ERBB4: variants seen among roughly 807,000 people sequenced by gnomAD.
The protein encoded by ERBB4 is receptor tyrosine-protein kinase erbB-4.
A neutral mutation model predicts 158.0 loss-of-function variants in ERBB4; 42 were observed. The observed-to-expected ratio is 0.27, with a 90% CI of 0.21 to 0.34. The LOEUF (loss-of-function observed/expected upper bound fraction) is 0.34. Ranked by LOEUF, ERBB4 falls within the 10% of genes least tolerant of loss-of-function variation. ERBB4 has a pLI of 1.00. For missense variants in ERBB4, 1,333 were observed against 1,624.1 expected (o/e 0.82, Z 3.08); for synonymous variants, 583 against 558.7 (o/e 1.04, Z -0.61).
At chr2:211,793,874 A>C (rs1301302138) in intron 3 of ERBB4, among the ~76,000 whole-genome samples, 2 of 151,914 alleles carry the variant, frequency 1.3e-5, no homozygotes, top group African/African-American at 4.8e-5. Context: ...ATTCATCATC[A>C]ATCAAGCTTT....
intron 2 of ERBB4, among the ~76,000 whole-genome samples, chr2:212,113,193 T>C (rs917624105): frequency 6.6e-6 from 1 of 152,100 alleles, no homozygotes; most frequent in African/African-American, 2.4e-5. Context: ...GTAGAGACTG[T>C]ATGATTTTCC....
intron 2 of ERBB4, among the ~76,000 whole-genome samples, chr2:212,087,250 A>G (rs148679216): frequency 8.0e-5 from 12 of 150,890 alleles, no homozygotes; most frequent in African/African-American, 2.9e-4. Context: ...AGTATGCAAC[A>G]TTTTTCCTAT....
chr2:212,538,381 G>T, intron 1 of ERBB4, 68 bp downstream of exon 1: 2 of 1,385,120 alleles, frequency 1.4e-6, no homozygotes, highest in South Asian at 1.2e-5. Context: ...AAGAGGGCAG[G>T]GGAGCCACTC....
At chr2:211,519,050 G>T (rs1385109704) in intron 20 of ERBB4, among the ~76,000 whole-genome samples, 1 of 152,036 alleles carries the variant, frequency 6.6e-6, no homozygotes, top group Non-Finnish European at 1.5e-5. Flanking sequence ...AACAGGCAAA[G>T]ACCCCTGCAT....
intron 1 of ERBB4, among the ~76,000 whole-genome samples, chr2:212,514,085 G>A (rs1691685823): frequency 6.6e-6 from 1 of 151,880 alleles, no homozygotes; most frequent in Non-Finnish European, 1.5e-5. Context: ...AGACATGATA[G>A]CATTTTGTTC....
intron 1 of ERBB4, among the ~76,000 whole-genome samples, chr2:212,212,887 C>G (rs938060599): frequency 1.3e-5 from 2 of 152,026 alleles, no homozygotes; most frequent in Non-Finnish European, 2.9e-5. Context: ...GAAACTGGAC[C>G]CCTTCCTTAT....
At chr2:212,521,963 A>G (rs909512788) in intron 1 of ERBB4, among the ~76,000 whole-genome samples, 11 of 152,066 alleles carry the variant, frequency 7.2e-5, no homozygotes, top group African/African-American at 1.4e-4. Flanking sequence ...TCCCATTTCC[A>G]TATTTGATAT....
At chr2:211,387,241 T>A (rs2062705854) in intron 26 of ERBB4, 91 bp from the exon 27 acceptor site, 1 of 1,066,940 alleles carries the variant, frequency 9.4e-7, no homozygotes, top group Admixed American at 1.7e-5. Context: ...TCAAAGCCAG[T>A]CTTTCAGAGA....
chr2:211,882,619 T>C (rs965567754), intron 3 of ERBB4, among the ~76,000 whole-genome samples: 2 of 152,230 alleles, frequency 1.3e-5, no homozygotes, highest in Admixed American at 1.3e-4. Flanking sequence ...TATTTTGAAA[T>C]AAATGATACC....
intron 14 of ERBB4, among the ~76,000 whole-genome samples, chr2:211,672,645 C>A (rs1339467202): frequency 6.6e-6 from 1 of 152,158 alleles, no homozygotes; most frequent in Non-Finnish European, 1.5e-5. Flanking sequence ...GGATTAAATG[C>A]ATATAAAAAT....
At chr2:211,652,381 G>C (rs2071024956) in intron 16 of ERBB4, among the ~76,000 whole-genome samples, 1 of 152,100 alleles carries the variant, frequency 6.6e-6, no homozygotes, top group African/African-American at 2.4e-5. Flanking sequence ...TTTATTTATT[G>C]GACTTAAGGA....
intron 3 of ERBB4, among the ~76,000 whole-genome samples, chr2:211,821,981 C>T (rs148983510): frequency 6.6e-6 from 1 of 151,830 alleles, no homozygotes; most frequent in African/African-American, 2.4e-5. Flanking sequence ...ATAACACAGG[C>T]AACAACATAA....
chr2:212,224,736 T>C (rs988792791), intron 1 of ERBB4, among the ~76,000 whole-genome samples: 1 of 151,874 alleles, frequency 6.6e-6, no homozygotes, highest in Non-Finnish European at 1.5e-5. Context: ...AAGTAAGGAA[T>C]TTAATGTTAC....
intron 20 of ERBB4, among the ~76,000 whole-genome samples, chr2:211,433,310 G>A (rs879661354): frequency 1.6e-4 from 24 of 151,626 alleles, no homozygotes; most frequent in South Asian, 4.2e-4. Context: ...GGCCGGGCGC[G>A]GTGGCTCACG....
intron 1 of ERBB4, among the ~76,000 whole-genome samples, chr2:212,507,143 C>A (rs1388812671): frequency 2.0e-5 from 3 of 151,794 alleles, no homozygotes; most frequent in Admixed American, 2.0e-4. Flanking sequence ...GTTGACAACA[C>A]ATCTGTTGAC....
At chr2:212,277,061 G>A (rs2085566278) in intron 1 of ERBB4, among the ~76,000 whole-genome samples, 1 of 151,582 alleles carries the variant, frequency 6.6e-6, no homozygotes, top group Non-Finnish European at 1.5e-5. Flanking sequence ...ATGTAAAAAG[G>A]GCCTTTCCAA....
chr2:211,470,200 G>A (rs930865232), intron 20 of ERBB4, among the ~76,000 whole-genome samples: 1 of 151,960 alleles, frequency 6.6e-6, no homozygotes, highest in African/African-American at 2.4e-5. Flanking sequence ...TAATATTAAT[G>A]GTACAATGGT....
At chr2:211,981,705 C>T (rs2081801985) in intron 2 of ERBB4, among the ~76,000 whole-genome samples, 1 of 152,094 alleles carries the variant, frequency 6.6e-6, no homozygotes, top group Non-Finnish European at 1.5e-5. Flanking sequence ...TTGTACATAC[C>T]AAAGCAGAAC....
At chr2:212,325,765 C>T (rs2087797038) in intron 1 of ERBB4, among the ~76,000 whole-genome samples, 1 of 150,280 alleles carries the variant, frequency 6.7e-6, no homozygotes, top group African/African-American at 2.4e-5. Flanking sequence ...TAAAATGCAG[C>T]ACAAAGGTAA....
Sources: allele counts gnomAD v4.1 joint callset (sites outside exome capture counted in the v4.1 genomes callset), GRCh38; gene constraint gnomAD v4.1.1; transcripts MANE v1.5; gene names NCBI Gene and HGNC (gene_info 2026-07-23, HGNC 2026-07-21).